The following GPATCH2L variants were observed in gnomAD, a reference collection of about 807,000 sequenced individuals.
GPATCH2L encodes the protein G patch domain-containing protein 2-like.
In GPATCH2L, 31 loss-of-function variants were observed where a neutral mutation model predicts 57.4. The observed-to-expected ratio is 0.54, with a 90% CI of 0.41 to 0.73. The LOEUF (loss-of-function observed/expected upper bound fraction) is 0.73. GPATCH2L is among the 30% of genes least tolerant of loss of function. The pLI, the probability that GPATCH2L is intolerant of heterozygous loss-of-function variation, is 0.00. For missense variants in GPATCH2L, 481 were observed against 599.9 expected, an observed-to-expected ratio of 0.80 and a Z score of 2.07; for synonymous variants, 199 against 210.7, an observed-to-expected ratio of 0.94 and a Z score of 0.48.
intron 8 of GPATCH2L, among the ~76,000 whole-genome samples, chr14:76,195,490 A>G (rs1052205938): frequency 6.6e-6 from 1 of 152,226 alleles, no homozygotes; most frequent in Admixed American, 6.5e-5. Context: ...CTATGCAAAT[A>G]TCTGTGTTCA....
At chr14:76,165,485 C>A in intron 2 of GPATCH2L, among the ~76,000 whole-genome samples, 2 of 144,070 alleles carry the variant, frequency 1.4e-5, no homozygotes, top group African/African-American at 5.2e-5. Context: ...AGCGAAACTC[C>A]ATCTCAAAAA....
chr14:76,176,746 G>T, intron 6 of GPATCH2L, 56 bp downstream of exon 6: 1 of 1,188,340 alleles, frequency 8.4e-7, no homozygotes, highest in South Asian at 1.2e-5. Context: ...GGAGGAGGCA[G>T]AGGGGAGTTT....
At chr14:76,220,687 G>C (rs1468365113) in intron 1 of GPATCH2L, among the ~76,000 whole-genome samples, 1 of 152,078 alleles carries the variant, frequency 6.6e-6, no homozygotes, top group East Asian at 1.9e-4. Flanking sequence ...TCATATGCTG[G>C]TCTTTAAAGT....
intron 2 of GPATCH2L, among the ~76,000 whole-genome samples, chr14:76,159,927 T>C (rs978587845): frequency 2.0e-5 from 3 of 151,970 alleles, no homozygotes; most frequent in African/African-American, 7.3e-5. Flanking sequence ...GGTTAGGAGA[T>C]CGAGACCATC....
Position 76,204,519 on chromosome 14 carries a change from G to A in GPATCH2L, c.*2668G>A, listed in dbSNP as rs941071206. 1.3e-5 allele frequency: 2 copies of A among 152,294 alleles called. No individual in the cohort carries two copies. The highest frequency in any genetic ancestry group is 2.1e-4 in the South Asian group (1 of 4,834). 9.4% of individuals were successfully genotyped at this position (152,294 alleles called of 1,614,324 possible). On this transcript the variant is annotated 3_prime_UTR_variant, in exon 10 of 10. Transcript: ENST00000261530. ...AGTTCCAGAGGATAGCCTTAGAAAT[G>A]AGTGTATTTTGAATCTTAAAGTTTC...
At position 76,213,207 on chromosome 14, in the gene GPATCH2L, A is replaced by C. The variant is rs1435523064; in HGVS notation, c.*11356A>C. On this transcript the variant is annotated 3_prime_UTR_variant, in exon 10 of 10. Transcript: ENST00000261530. The stretch of plus-strand genomic sequence containing the variant: ...GCTAACATTACAAGAGAAGACAAAC[A>C]CAAAATAAGAATTACCAAGTATTGA... 1 of 152,178 alleles carries C rather than the reference A, an allele frequency of 6.6e-6. No homozygotes were observed. Among genetic ancestry groups the C allele is most frequent in the Non-Finnish European group, 1.5e-5 (1 of 68,024 alleles). The allele number at this position is 152,178 out of a possible 1,614,324, so 9.4% of individuals were successfully genotyped here.
Position 76,154,722 on chromosome 14 carries a change from A to G in GPATCH2L, c.359A>G (p.Asn120Ser). Residue 120 changes from asparagine to serine, a missense_variant, in exon 2 of 10, where the codon AAT (asparagine) becomes AGT (serine). Around this residue, in one of 3 missense-constraint regions of GPATCH2L, gnomAD observed 208 missense variants for 272.4 expected, o/e 0.76. Transcript: ENST00000261530. The surrounding 1 kb of genome is among the most constrained non-coding windows in gnomAD (Gnocchi z 4.4). ...CATGAATCTGACTCCTTTACTGAAA[A>G]TGCACCTTGTCGACCACTCAGGCGC... The part of the protein sequence containing the change: ...SWHESDSFTE[N>S]APCRPLRRRR... The G allele has an allele frequency of 1.2e-6, 2 of 1,614,194 alleles. No homozygotes were observed. Among genetic ancestry groups the G allele is most frequent in the Non-Finnish European group, 1.7e-6 (2 of 1,180,036 alleles).
At chr14:76,215,684 C>G (rs964306995), downstream of GPATCH2L, among the ~76,000 whole-genome samples, 3 of 146,188 alleles carry the variant, frequency 2.1e-5, no homozygotes, top group African/African-American at 5.1e-5. Context: ...CCAAACACCA[C>G]ATATTCTCAC....
intron 2 of GPATCH2L, among the ~76,000 whole-genome samples, chr14:76,231,248 C>A (rs2040560029): frequency 6.6e-6 from 1 of 152,178 alleles, no homozygotes; most frequent in South Asian, 2.1e-4. Flanking sequence ...TTGGTACTGA[C>A]CGGGGAGTGA....
intron 2 of GPATCH2L, among the ~76,000 whole-genome samples, chr14:76,159,647 T>C (rs2038480705): frequency 6.6e-6 from 1 of 152,028 alleles, no homozygotes; most frequent in African/African-American, 2.4e-5. Context: ...AACACTGCAG[T>C]CTCCAGAATG....
intron 9 of GPATCH2L, among the ~76,000 whole-genome samples, chr14:76,199,119 T>C (rs1231684125): frequency 6.6e-6 from 1 of 152,196 alleles, no homozygotes; most frequent in African/African-American, 2.4e-5. Flanking sequence ...GTAAATAAAA[T>C]ACAGCAAATA....
chr14:76,171,964 A>G lies in GPATCH2L; in HGVS notation c.849A>G (p.Gly283=), dbSNP rs1333177192. 8.1e-6 allele frequency: 13 copies of G among 1,612,936 alleles called. No homozygotes were observed. The highest frequency in any genetic ancestry group is 1.0e-5 in the Non-Finnish European group (12 of 1,179,248). The change falls in exon 4 of 10, where the codon GGA becomes GGG. Residue 283 remains glycine (G), a synonymous_variant. Coordinates refer to ENST00000261530, the MANE Select transcript of GPATCH2L (RefSeq NM_017926.4). The part of the protein sequence containing the change: ...HCSEVERMDS[G]LDKFSDSTFL... Reference sequence around the variant, plus strand: ...CTGAAGTAGAAAGAATGGATTCTGGATTGGATAAATTTTCAGATTCCACAT... The same window carrying G: ...CTGAAGTAGAAAGAATGGATTCTGGGTTGGATAAATTTTCAGATTCCACAT...
rs1418958434 is a variant in GPATCH2L, at chr14:76,203,314, T to C, written c.*1463T>C. The C allele has an allele frequency of 2.0e-5, 3 of 152,198 alleles. No individual in the cohort carries two copies. The highest frequency in any genetic ancestry group is 1.9e-4 in the East Asian group (1 of 5,194). 9.4% of individuals were successfully genotyped at this position (152,198 alleles called of 1,614,324 possible). On this transcript the variant is annotated 3_prime_UTR_variant, in exon 10 of 10. Transcript: ENST00000261530. ...ACATGGCACTTTAAGACTGAGAACA[T>C]ATCAATTGTTCATAATCAGGAATAT...
intron 1 of GPATCH2L, chr14:76,153,649 T>G (rs2038157776): frequency 6.6e-6 from 1 of 152,228 alleles, no homozygotes; most frequent in South Asian, 2.1e-4. Context: ...TATGACATAC[T>G]GTATAAGGTT....
intron 2 of GPATCH2L, among the ~76,000 whole-genome samples, chr14:76,165,286 G>A (rs1416451938): frequency 1.3e-5 from 2 of 152,080 alleles, no homozygotes; most frequent in Non-Finnish European, 2.9e-5. Flanking sequence ...GAGGTCAGGA[G>A]TTCGAGACCA....
chr14:76,215,417 T>C (rs2040482713), downstream of GPATCH2L, among the ~76,000 whole-genome samples: 1 of 151,898 alleles, frequency 6.6e-6, no homozygotes, highest in Non-Finnish European at 1.5e-5. Flanking sequence ...CATTACTGGG[T>C]ATATACCCAA....
downstream of GPATCH2L, among the ~76,000 whole-genome samples, chr14:76,217,788 C>T (rs1042091762): frequency 2.6e-5 from 4 of 152,158 alleles, no homozygotes; most frequent in African/African-American, 9.7e-5. Context: ...ATGCAAATGT[C>T]TCTCAAACGT....
rs187399388 is a variant in GPATCH2L at position 76,182,281 on chromosome 14, C to T, written c.1193+1432C>T. On this transcript the variant is annotated intron_variant, in intron 8 of 9. Transcript: ENST00000261530. ...CTGAGGCAGGAGAATGGCGTGAACC[C>T]GGGAGGCGGAGCTTGCAGTGAGCTG... Among the ~76,000 whole-genome samples the T allele has an allele frequency of 1.7e-3, 245 of 140,392 alleles. 1 individual carries two copies. Among genetic ancestry groups the T allele is most frequent in the African/African-American group, 5.9e-3 (227 of 38,462 alleles). The allele number at this position is 140,392 out of a possible 152,430, so 92.1% of individuals were successfully genotyped here.
chr14:76,171,724 A>T (rs2039092883), intron 3 of GPATCH2L, 119 bp from the exon 4 acceptor site: 1 of 687,090 alleles, frequency 1.5e-6, no homozygotes, highest in Non-Finnish European at 2.4e-6. Context: ...CTCTGTCTCA[A>T]AAAGGAAAAA....
Sources: allele counts gnomAD v4.1 joint callset (sites outside exome capture counted in the v4.1 genomes callset), GRCh38; gene constraint gnomAD v4.1.1; regional missense constraint gnomAD v4.1.1; non-coding constraint Gnocchi (gnomAD v3.1); transcripts MANE v1.5; gene names NCBI Gene and HGNC (gene_info 2026-07-23, HGNC 2026-07-21).